Variants in NUFIP2 observed in about 807,000 individuals in gnomAD.
The protein encoded by NUFIP2 is nuclear FMR1 interacting protein 2.
Under a neutral mutation model 56.9 loss-of-function variants are expected in NUFIP2, and 6 were observed. The observed-to-expected ratio is 0.11, with a 90% CI of 0.06 to 0.21. NUFIP2 has a LOEUF of 0.21. Among genes scored for constraint, NUFIP2 ranks in the 10% least tolerant of loss-of-function variants. NUFIP2 has a pLI of 1.00. For synonymous variants in NUFIP2, 321 were observed against 298.2 expected (o/e 1.08, Z -0.79); for missense variants, 828 against 826.8 (o/e 1.00, Z -0.02).
rs2068970530 is a variant in NUFIP2, at chr17:29,256,221, C to T, written c.*8318G>A. On this transcript the variant is annotated 3_prime_UTR_variant, in exon 4 of 4. Transcript: ENST00000225388. The stretch of plus-strand genomic sequence containing the variant: ...AACTGTACTCCACTTATTATCCATT[C>T]CCCCAGATTAAGAGGTAACTCAGCT... 1 of 152,198 alleles carries T rather than the reference C, an allele frequency of 6.6e-6. No individual in the cohort carries two copies. Among genetic ancestry groups the T allele is most frequent in the African/African-American group, 2.4e-5 (1 of 41,444 alleles). The allele number at this position is 152,198 out of a possible 1,614,324, so 9.4% of individuals were successfully genotyped here. A position where few individuals can be genotyped will look rare whatever the true frequency, so the allele number is the denominator to read the frequency against.
Position 29,284,386 on chromosome 17 carries a change from CACAA to C in NUFIP2, c.2002+1602_2002+1605del, listed in dbSNP as rs1315497799. Among the ~76,000 whole-genome samples, 7 of 152,188 alleles carry C rather than the reference CACAA, an allele frequency of 4.6e-5. No homozygotes were observed. The East Asian group carries it at 7.7e-4, about 17-fold the overall frequency. Reference sequence around the variant, plus strand: ...CCATACAGCGAATTTTTCTTTAAGACACAAACAAACCACATTCTAAGAAAGTGAT... The same window carrying C: ...CCATACAGCGAATTTTTCTTTAAGACACAAACCACATTCTAAGAAAGTGAT... On this transcript the variant is annotated intron_variant, in intron 2 of 3. Transcript: ENST00000225388.
In NUFIP2 at chr17:29,258,046, C is replaced by T. The variant is rs1364039256; in HGVS notation, c.*6493G>A. The T allele has an allele frequency of 1.3e-5, 2 of 151,954 alleles. No individual in the cohort carries two copies. Among genetic ancestry groups the T allele is most frequent in the East Asian group, 3.9e-4 (2 of 5,188 alleles). 9.4% of individuals were successfully genotyped at this position (151,954 alleles called of 1,614,324 possible). On this transcript the variant is annotated 3_prime_UTR_variant, in exon 4 of 4. Transcript: ENST00000225388. ...GGTAAGAACCATCGACTATCTCAGG[C>T]ATTACTACATGGCGTTTCCAATTTT... is the stretch of plus-strand genomic sequence containing the variant.
chr17:29,284,001 G>A (rs1309027697), intron 2 of NUFIP2, among the ~76,000 whole-genome samples: 1 of 152,218 alleles, frequency 6.6e-6, no homozygotes, highest in Admixed American at 6.5e-5. Context: ...CCAGCTTGCA[G>A]ATAAGGAAAC....
Position 29,287,417 on chromosome 17 carries a change from T to C in NUFIP2, c.577A>G (p.Asn193Asp). 2 of 1,614,114 alleles carry C rather than the reference T, an allele frequency of 1.2e-6. No homozygotes were observed. Among genetic ancestry groups the C allele is most frequent in the Non-Finnish European group, 8.5e-7 (1 of 1,179,950 alleles). ...TIPIPNGVVT[N>D]NSGYITNGYM... Reference sequence around the variant, plus strand: ...CCATTAGTAATATAACCAGAATTATTTGTTACCACACCATTTGGAATTGGT... The same window carrying C: ...CCATTAGTAATATAACCAGAATTATCTGTTACCACACCATTTGGAATTGGT... Residue 193 changes from asparagine (N) to aspartate (D), a missense_variant, in exon 2 of 4, where the codon AAT becomes GAT. Around this residue, in one of 3 missense-constraint regions of NUFIP2, gnomAD observed 415 missense variants for 408.7 expected, o/e 1.02. Transcript: ENST00000225388.
At chr17:29,275,671 C>T (rs574733955) in intron 2 of NUFIP2, among the ~76,000 whole-genome samples, 1 of 152,232 alleles carries the variant, frequency 6.6e-6, no homozygotes, top group Admixed American at 6.5e-5. Flanking sequence ...GCCTCCTTTG[C>T]CATTACTCAG....
At chr17:29,267,868 C>T (rs1009471220) in intron 2 of NUFIP2, among the ~76,000 whole-genome samples, 2 of 152,054 alleles carry the variant, frequency 1.3e-5, no homozygotes, top group African/African-American at 2.4e-5. Context: ...CCAGGCTGGT[C>T]CTCCTGCCTC....
At position 29,264,730 on chromosome 17, in the gene NUFIP2, G is replaced by A. The variant is rs2069024370; in HGVS notation, c.2036-139C>T. The A allele has an allele frequency of 1.0e-4, 55 of 550,130 alleles. No homozygotes were observed. In the South Asian group the frequency reaches 1.1e-3, roughly 11 times the overall value. 34.1% of individuals were successfully genotyped at this position (550,130 alleles called of 1,614,324 possible). ...AAAACTTCAAGCCCATTTCCTCCTT[G>A]TACCAACACATGTATGATCCAGTTT... On this transcript the variant is annotated intron_variant, in intron 3 of 3. Coordinates refer to ENST00000225388, the MANE Select transcript of NUFIP2 (RefSeq NM_020772.3).
At chr17:29,269,078 C>T (rs190093273) in intron 2 of NUFIP2, among the ~76,000 whole-genome samples, 4 of 152,210 alleles carry the variant, frequency 2.6e-5, no homozygotes, top group Admixed American at 2.0e-4. Context: ...TTGACTATTA[C>T]ACAAGAACCA....
intron 1 of NUFIP2, among the ~76,000 whole-genome samples, chr17:29,290,534 G>A (rs1323753903): frequency 6.6e-6 from 1 of 151,492 alleles, no homozygotes; most frequent in Non-Finnish European, 1.5e-5. Flanking sequence ...GGTAGCATAT[G>A]CCTGTAATCC....
Position 29,260,057 on chromosome 17 carries a change from T to G in NUFIP2, c.*4482A>C, listed in dbSNP as rs1047220561. 3.9e-5 allele frequency: 6 copies of G among 152,198 alleles called. No individual in the cohort carries two copies. Among genetic ancestry groups the G allele is most frequent in the Non-Finnish European group, 8.8e-5 (6 of 68,036 alleles). 9.4% of individuals were successfully genotyped at this position (152,198 alleles called of 1,614,324 possible). A position where few individuals can be genotyped will look rare whatever the true frequency, so the allele number is the denominator to read the frequency against. On this transcript the variant is annotated 3_prime_UTR_variant, in exon 4 of 4. Coordinates refer to ENST00000225388, the MANE Select transcript of NUFIP2 (RefSeq NM_020772.3). ...CTTGGTGCTCTGTTGATTAATTACA[T>G]TAGTAAAAATAACATCGATATTAAG...
rs1181635944 is a variant in NUFIP2, at chr17:29,262,862, T to C, written c.*1677A>G. On this transcript the variant is annotated 3_prime_UTR_variant, in exon 4 of 4. Coordinates refer to ENST00000225388, the MANE Select transcript of NUFIP2 (RefSeq NM_020772.3). ...CTAAAAAGATAGTTACTCTACTCTATGTTGAGTCCAACAGCTTCTTTCATG... is the reference window on the plus strand; with the variant it reads ...CTAAAAAGATAGTTACTCTACTCTACGTTGAGTCCAACAGCTTCTTTCATG... The C allele has an allele frequency of 1.3e-5, 2 of 152,224 alleles. No individual in the cohort carries two copies. Among genetic ancestry groups the C allele is most frequent in the Non-Finnish European group, 2.9e-5 (2 of 68,010 alleles). 9.4% of individuals were successfully genotyped at this position (152,224 alleles called of 1,614,324 possible). A position where few individuals can be genotyped will look rare whatever the true frequency, so the allele number is the denominator to read the frequency against.
At chr17:29,279,558 G>T (rs1009593932) in intron 2 of NUFIP2, among the ~76,000 whole-genome samples, 86 of 152,136 alleles carry the variant, frequency 5.7e-4, no homozygotes, top group African/African-American at 1.9e-3. Context: ...TTTTGAGACA[G>T]GGTCTCACTC....
intron 3 of NUFIP2, among the ~76,000 whole-genome samples, chr17:29,266,679 GC>G (rs1046630813): frequency 6.6e-6 from 1 of 151,774 alleles, no homozygotes; most frequent in Admixed American, 6.6e-5. Context: ...AGAAAGACCA[GC>G]CAAAAGTGGA....
intron 2 of NUFIP2, among the ~76,000 whole-genome samples, chr17:29,274,270 G>T (rs1475176472): frequency 6.6e-6 from 1 of 152,202 alleles, no homozygotes; most frequent in African/African-American, 2.4e-5. Flanking sequence ...GATCACTTGA[G>T]ACCAGCCTTA....
Position 29,287,026 on chromosome 17 carries a change from T to C in NUFIP2, c.968A>G (p.His323Arg), listed in dbSNP as rs1296868047. The C allele has an allele frequency of 6.2e-7, 1 of 1,614,204 alleles. No individual in the cohort carries two copies. Among genetic ancestry groups the C allele is most frequent in the Non-Finnish European group, 8.5e-7 (1 of 1,180,042 alleles). ...KKFDDRPKGK[H>R]ASAVASKEDS... The stretch of plus-strand genomic sequence containing the variant: ...CTCTTTGGAGGCAACAGCTGAAGCA[T>C]GCTTTCCTTTGGGCCGATCATCAAA... Residue 323 changes from histidine to arginine, a missense_variant, in exon 2 of 4, where the codon CAT becomes CGT. His to Arg is a conservative substitution (Grantham distance 29). Around this residue, in one of 3 missense-constraint regions of NUFIP2, gnomAD observed 415 missense variants for 408.7 expected, o/e 1.02. Transcript: ENST00000225388.
Position 29,286,873 on chromosome 17 carries a change from G to A in NUFIP2, c.1121C>T (p.Ser374Phe). 1.2e-6 allele frequency: 2 copies of A among 1,614,216 alleles called. No individual in the cohort carries two copies. Among genetic ancestry groups the A allele is most frequent in the Non-Finnish European group, 1.7e-6 (2 of 1,180,052 alleles). Residue 374 changes from serine to phenylalanine, a missense_variant, in exon 2 of 4, where the codon TCT becomes TTT. Ser to Phe is a radical substitution (Grantham distance 155, BLOSUM62 -2). Around this residue, in one of 3 missense-constraint regions of NUFIP2, gnomAD observed 404 missense variants for 380.3 expected, o/e 1.06. Coordinates refer to ENST00000225388, the MANE Select transcript of NUFIP2 (RefSeq NM_020772.3). ...ENLNKTIQNS[S>F]VSPTSSSSSS... is the part of the protein sequence containing the mutation. ...TGATGAAGATGAAGTTGGTGACACA[G>A]AAGAGTTCTGTATAGTTTTGTTGAG...
At chr17:29,284,706 CAAAAAAAAAAAAAAAAAAAA>C (rs66700326) in intron 2 of NUFIP2, among the ~76,000 whole-genome samples, 2 of 53,644 alleles carry the variant, frequency 3.7e-5, no homozygotes, top group African/African-American at 1.6e-4. Flanking sequence ...GACTCCATCT[CAAAAAAAAAAAAAAAAAAAA>C]AGAAAAAAAA....
chr17:29,265,045 C>T (rs915987886), intron 3 of NUFIP2, among the ~76,000 whole-genome samples: 1 of 152,056 alleles, frequency 6.6e-6, no homozygotes, highest in African/African-American at 2.4e-5. Flanking sequence ...TAAAACCTGC[C>T]ACCAAAAACT....
At position 29,262,576 on chromosome 17, in the gene NUFIP2, C is replaced by T. The variant is rs1039559829; in HGVS notation, c.*1963G>A. The T allele has an allele frequency of 6.6e-6, 1 of 152,210 alleles. No individual in the cohort carries two copies. Among genetic ancestry groups the T allele is most frequent in the African/African-American group, 2.4e-5 (1 of 41,322 alleles). 9.4% of individuals were successfully genotyped at this position (152,210 alleles called of 1,614,324 possible). A position where few individuals can be genotyped will look rare whatever the true frequency, so the allele number is the denominator to read the frequency against. ...GACTCAACAAAAATCAAAATAGGAA[C>T]AAGGCAGACTAAATGCAGGGCACAT... On this transcript the variant is annotated 3_prime_UTR_variant, in exon 4 of 4. Coordinates refer to ENST00000225388, the MANE Select transcript of NUFIP2 (RefSeq NM_020772.3).
Sources: gnomAD v4.1 joint callset for allele counts (sites outside exome capture counted in the v4.1 genomes callset) on GRCh38, gnomAD v4.1.1 for gene constraint, gnomAD v4.1.1 regional missense constraint, MANE v1.5 for transcripts, NCBI Gene and HGNC (gene_info 2026-07-23, HGNC 2026-07-21) for gene names.